HTR2C: variants seen among roughly 807,000 people sequenced by gnomAD.
The protein encoded by HTR2C is 5-hydroxytryptamine receptor 2C.
In HTR2C, 5 loss-of-function variants were observed where a neutral mutation model predicts 21.0. The ratio of observed to expected loss-of-function variants is 0.24; its 90% CI spans 0.12 to 0.50. The LOEUF (loss-of-function observed/expected upper bound fraction) is 0.50, where lower values mean the gene tolerates loss of function less well. Ranked by LOEUF, HTR2C falls within the 20% of genes least tolerant of loss-of-function variation. HTR2C has a pLI of 0.98. For synonymous variants in HTR2C, 150 were observed against 145.3 expected (o/e 1.03, Z -0.23); for missense variants, 271 against 371.2 (o/e 0.73, Z 2.22).
At chrX:114,694,488 TATATAC>T (rs1932211473) in intron 2 of HTR2C, among the ~76,000 whole-genome samples, 2 of 11,572 alleles carry the variant, frequency 1.7e-4, no homozygotes, top group African/African-American at 2.7e-4. Flanking sequence ...TATATATATA[TATATAC>T]ACACACAGAT....
chrX:114,786,178 T>C (rs2070172606), intron 4 of HTR2C, among the ~76,000 whole-genome samples: 1 of 111,909 alleles, frequency 8.9e-6, no homozygotes, highest in Non-Finnish European at 1.9e-5. Context: ...AATACTTATG[T>C]TGGCAGGCAT....
chrX:114,649,387 A>G (rs1556408111), intron 2 of HTR2C, among the ~76,000 whole-genome samples: 1 of 111,396 alleles, frequency 9.0e-6, no homozygotes, highest in African/African-American at 3.3e-5. Flanking sequence ...TCCCAATACA[A>G]TATGGTACAG....
chrX:114,608,840 C>G (rs782455521), intron 1 of HTR2C, among the ~76,000 whole-genome samples: 2 of 111,465 alleles, frequency 1.8e-5, no homozygotes, highest in Non-Finnish European at 3.8e-5. Context: ...TCCATTCTGT[C>G]CAATCAAGAT....
chrX:114,710,365 A>G (rs1421161061), intron 2 of HTR2C, among the ~76,000 whole-genome samples: 1 of 111,726 alleles, frequency 9.0e-6, no homozygotes, highest in Non-Finnish European at 1.9e-5. Context: ...ATTGACAGGT[A>G]CAATGTTTAA....
intron 2 of HTR2C, among the ~76,000 whole-genome samples, chrX:114,623,846 A>G (rs1929259613): frequency 9.1e-6 from 1 of 109,753 alleles, no homozygotes; most frequent in Admixed American, 9.9e-5. Flanking sequence ...TTTATAATGC[A>G]ATTGAAATAG....
intron 2 of HTR2C, among the ~76,000 whole-genome samples, chrX:114,703,705 T>A (rs1008408239): frequency 1.8e-5 from 2 of 109,931 alleles, no homozygotes; most frequent in East Asian, 2.9e-4. Flanking sequence ...AGAAATAACT[T>A]AAATCAGAGC....
At chrX:114,644,095 C>A (rs1480226033) in intron 2 of HTR2C, among the ~76,000 whole-genome samples, 1 of 108,699 alleles carries the variant, frequency 9.2e-6, no homozygotes, top group Non-Finnish European at 1.9e-5. Context: ...GTAATCCCAG[C>A]TCTTTGGGAG....
At chrX:114,646,107 TAA>T (rs1206683539) in intron 2 of HTR2C, among the ~76,000 whole-genome samples, 101 of 112,278 alleles carry the variant, frequency 9.0e-4, no homozygotes, top group African/African-American at 2.9e-3. Context: ...GTAGATTAAT[TAA>T]AGTTTTATAT....
chrX:114,850,953 A>C (rs2070912403), intron 5 of HTR2C, among the ~76,000 whole-genome samples: 1 of 111,692 alleles, frequency 9.0e-6, no homozygotes, highest in Admixed American at 9.5e-5. Flanking sequence ...AGCTATATTA[A>C]TATTTGTCAA....
At chrX:114,890,961 C>T (rs959768331) in intron 5 of HTR2C, among the ~76,000 whole-genome samples, 3 of 111,286 alleles carry the variant, frequency 2.7e-5, no homozygotes, top group African/African-American at 9.8e-5. Flanking sequence ...CCAAATTATA[C>T]CTATATTAAG....
chrX:114,799,621 A>G (rs181945434), intron 4 of HTR2C, among the ~76,000 whole-genome samples: 3 of 111,098 alleles, frequency 2.7e-5, no homozygotes. Context: ...TTCATTAACT[A>G]AAAAGGAATA....
intron 5 of HTR2C, among the ~76,000 whole-genome samples, chrX:114,878,244 A>G (rs980655850): frequency 9.0e-5 from 10 of 110,550 alleles, no homozygotes; most frequent in African/African-American, 3.3e-4. Context: ...TTTTAAAGCT[A>G]ATTTTAGACT....
At chrX:114,775,399 C>A (rs1157213035) in intron 4 of HTR2C, 5 of 526,981 alleles carry the variant, frequency 9.5e-6, no homozygotes, top group Non-Finnish European at 1.8e-5. Flanking sequence ...TCAAACTTGT[C>A]AAGCAGGTTG....
At chrX:114,692,870 A>G (rs1375106532) in intron 2 of HTR2C, among the ~76,000 whole-genome samples, 7 of 111,775 alleles carry the variant, frequency 6.3e-5, no homozygotes, top group African/African-American at 1.3e-4. Flanking sequence ...TTATTCAACA[A>G]GTATTTCTTG....
At position 114,852,517 on chromosome X, in the gene HTR2C, T is replaced by C. The variant is rs900473036; in HGVS notation, c.550+4314T>C. Among the ~76,000 whole-genome samples, 6 of 111,796 alleles carry C rather than the reference T, an allele frequency of 5.4e-5. No individual in the cohort carries two copies. The South Asian group carries it at 1.1e-3, about 21-fold the overall frequency. On this transcript the variant is annotated intron_variant, in intron 5 of 5. Coordinates refer to ENST00000276198, the MANE Select transcript of HTR2C (RefSeq NM_000868.4). ...CATACAAATTAATACTTTGTTTTGC[T>C]TTGTTCTTTTACTTGGAAATATGTC...
At chrX:114,805,965 C>A (rs2070420030) in intron 4 of HTR2C, among the ~76,000 whole-genome samples, 1 of 40,184 alleles carries the variant, frequency 2.5e-5, no homozygotes, top group Non-Finnish European at 5.0e-5. Flanking sequence ...CATATATATA[C>A]CATATATATA....
chrX:114,850,759 T>C (rs1042797257), intron 5 of HTR2C, among the ~76,000 whole-genome samples: 6 of 111,404 alleles, frequency 5.4e-5, no homozygotes, highest in Admixed American at 1.9e-4. Flanking sequence ...AATGGCAGAA[T>C]TAAAACCAAA....
At chrX:114,775,636 T>A in intron 4 of HTR2C, 1 of 503,644 alleles carries the variant, frequency 2.0e-6, no homozygotes, top group Non-Finnish European at 3.6e-6. Flanking sequence ...CAGATTTGTC[T>A]CCAGATAGGA....
At chrX:114,904,955 A>T (rs1353278247) in intron 5 of HTR2C, among the ~76,000 whole-genome samples, 1 of 110,070 alleles carries the variant, frequency 9.1e-6, no homozygotes, top group Non-Finnish European at 1.9e-5. Context: ...TATATTCCCA[A>T]ATTCCTGTTG....
Sources: gnomAD v4.1 joint callset for allele counts (sites outside exome capture counted in the v4.1 genomes callset) on GRCh38, gnomAD v4.1.1 for gene constraint, MANE v1.5 for transcripts, NCBI Gene and HGNC (gene_info 2026-07-23, HGNC 2026-07-21) for gene names.